CDH12: variants seen among roughly 807,000 people sequenced by gnomAD.
The protein encoded by CDH12 is cadherin 12.
CDH12 carries 41 observed loss-of-function variants against 74.1 expected under a neutral mutation model. The ratio of observed to expected loss-of-function variants is 0.55; its 90% CI spans 0.43 to 0.72. The LOEUF is 0.72. Ranked by LOEUF, CDH12 falls within the 30% of genes least tolerant of loss-of-function variation. The probability of loss-of-function intolerance (pLI) is 0.00; values close to 1 mark genes in which losing one functional copy is unlikely to be tolerated. For synonymous variants in CDH12, 399 were observed against 355.0 expected, an observed-to-expected ratio of 1.12 and a Z score of -1.39; for missense variants, 945 against 977.2, an observed-to-expected ratio of 0.97 and a Z score of 0.44.
At chr5:22,544,971 G>T (rs2126724631) in intron 1 of CDH12, among the ~76,000 whole-genome samples, 2 of 146,344 alleles carry the variant, frequency 1.4e-5, no homozygotes, top group South Asian at 4.3e-4. Context: ...AGTGAGATGT[G>T]GCAAAAAAAA....
intron 9 of CDH12, among the ~76,000 whole-genome samples, chr5:21,811,801 CAATATCTTATG>C (rs934948400): frequency 7.0e-6 from 1 of 142,152 alleles, no homozygotes; most frequent in Non-Finnish European, 1.5e-5. Context: ...TTTGTTTTAC[CAATATCTTATG>C]CCTTGGAGCA....
intron 10 of CDH12, among the ~76,000 whole-genome samples, chr5:21,787,157 C>T (rs1399897234): frequency 6.6e-6 from 1 of 152,098 alleles, no homozygotes. Flanking sequence ...AGGATTGACT[C>T]CAATTTTGAA....
At chr5:22,451,292 C>A (rs978371564) in intron 2 of CDH12, among the ~76,000 whole-genome samples, 1 of 151,826 alleles carries the variant, frequency 6.6e-6, no homozygotes, top group Non-Finnish European at 1.5e-5. Flanking sequence ...TAAGTTCTAT[C>A]TAATTAAAAC....
At chr5:22,135,209 C>CAAAA (rs5866550) in intron 4 of CDH12, among the ~76,000 whole-genome samples, 3 of 119,410 alleles carry the variant, frequency 2.5e-5, no homozygotes, top group African/African-American at 6.1e-5. Flanking sequence ...AACACATAAG[C>CAAAA]AAAAAAAAAA....
At chr5:22,384,505 C>G (rs1469044645) in intron 3 of CDH12, among the ~76,000 whole-genome samples, 1 of 112,630 alleles carries the variant, frequency 8.9e-6, no homozygotes, top group African/African-American at 3.3e-5. Flanking sequence ...CCGCCTGGGC[C>G]ACAGAGCGAA....
chr5:22,488,920 C>A (rs1187676342), intron 2 of CDH12, among the ~76,000 whole-genome samples: 1 of 151,896 alleles, frequency 6.6e-6, no homozygotes, highest in South Asian at 2.1e-4. Flanking sequence ...ATGAAAACTT[C>A]TTCCTTAATG....
intron 6 of CDH12, among the ~76,000 whole-genome samples, chr5:21,947,762 A>G (rs960557557): frequency 6.6e-6 from 1 of 152,200 alleles, no homozygotes; most frequent in African/African-American, 2.4e-5. Context: ...TCTTGGGCGT[A>G]TCACAGACTT....
At chr5:21,963,140 A>G (rs905697212) in intron 6 of CDH12, among the ~76,000 whole-genome samples, 2 of 151,926 alleles carry the variant, frequency 1.3e-5, no homozygotes, top group African/African-American at 4.8e-5. Flanking sequence ...GATGATATAG[A>G]TAGAGATTTA....
chr5:22,793,812 C>T (rs993696191), intron 1 of CDH12, among the ~76,000 whole-genome samples: 4 of 151,228 alleles, frequency 2.6e-5, no homozygotes, highest in Non-Finnish European at 4.4e-5. Flanking sequence ...GTAAAAATTA[C>T]AGAAATTCCT....
intron 3 of CDH12, among the ~76,000 whole-genome samples, chr5:22,404,967 T>C (rs757800866): frequency 6.6e-6 from 1 of 152,180 alleles, no homozygotes; most frequent in Non-Finnish European, 1.5e-5. Context: ...TCCAGCTCTT[T>C]GGGAGGCCAA....
intron 1 of CDH12, among the ~76,000 whole-genome samples, chr5:22,542,249 G>A (rs1390109204): frequency 6.6e-6 from 1 of 152,080 alleles, no homozygotes; most frequent in African/African-American, 2.4e-5. Flanking sequence ...ATTTCATCTT[G>A]CATAAACTCC....
At chr5:21,964,249 T>A (rs1382151700) in intron 6 of CDH12, among the ~76,000 whole-genome samples, 1 of 152,068 alleles carries the variant, frequency 6.6e-6, no homozygotes, top group Non-Finnish European at 1.5e-5. Context: ...TTTAAACTCA[T>A]CTAGGGTTTA....
rs1297912125 is a variant in CDH12, at chr5:22,395,583, G to A, written c.-333+9674C>T. Among the ~76,000 whole-genome samples the A allele has an allele frequency of 3.3e-5, 5 of 151,934 alleles. No homozygotes were observed. The East Asian group carries it at 9.6e-4, about 29-fold the overall frequency. ...ACTGAGAAGATTTTTACAAAGTTTT[G>A]TATACAAAACTGGGAATTAATTTTT... On this transcript the variant is annotated intron_variant, in intron 3 of 14. Transcript: ENST00000382254.
intron 1 of CDH12, among the ~76,000 whole-genome samples, chr5:22,649,579 G>C (rs527314685): frequency 1.3e-5 from 2 of 152,066 alleles, no homozygotes; most frequent in South Asian, 4.1e-4. Flanking sequence ...GATAAGAAAT[G>C]CTATACCGCA....
intron 3 of CDH12, among the ~76,000 whole-genome samples, chr5:22,362,137 A>G (rs1481662152): frequency 2.6e-5 from 4 of 152,220 alleles, no homozygotes; most frequent in Non-Finnish European, 5.9e-5. Context: ...GTCAGAGTGA[A>G]TAGACAACCT....
intron 1 of CDH12, among the ~76,000 whole-genome samples, chr5:22,652,305 C>T (rs1370768256): frequency 6.6e-6 from 1 of 152,006 alleles, no homozygotes; most frequent in Non-Finnish European, 1.5e-5. Context: ...TAGGGGTTTC[C>T]AGAGTTAAAA....
At chr5:22,292,798 G>A (rs1737451461) in intron 3 of CDH12, among the ~76,000 whole-genome samples, 1 of 152,090 alleles carries the variant, frequency 6.6e-6, no homozygotes, top group South Asian at 2.1e-4. Flanking sequence ...ACTGTTGGTG[G>A]GAATGTAAAT....
intron 1 of CDH12, among the ~76,000 whole-genome samples, chr5:22,628,173 A>T (rs1738396536): frequency 6.6e-6 from 1 of 152,092 alleles, no homozygotes. Flanking sequence ...TCAACACTCC[A>T]CAGACATTAT....
At chr5:22,782,463 T>G (rs1747430886) in intron 1 of CDH12, among the ~76,000 whole-genome samples, 1 of 152,116 alleles carries the variant, frequency 6.6e-6, no homozygotes, top group Non-Finnish European at 1.5e-5. Context: ...GTGAAGAGGG[T>G]ACTTGCTTCT....
Sources: allele counts gnomAD v4.1 joint callset (sites outside exome capture counted in the v4.1 genomes callset), GRCh38; gene constraint gnomAD v4.1.1; transcripts MANE v1.5; gene names NCBI Gene and HGNC (gene_info 2026-07-23, HGNC 2026-07-21).